APBB2: variants seen among roughly 807,000 people sequenced by gnomAD.
The protein encoded by APBB2 is Fe65-like 1.
Under a neutral mutation model 82.5 loss-of-function variants are expected in APBB2, and 38 were observed. The observed-to-expected ratio is 0.46, with a 90% CI of 0.36 to 0.60. APBB2 has a LOEUF of 0.60. Ranked by LOEUF, APBB2 falls within the 20% of genes least tolerant of loss-of-function variation. APBB2 has a pLI of 0.00. For synonymous variants in APBB2, 341 were observed against 368.2 expected (o/e 0.93, Z 0.85); for missense variants, 772 against 972.3 (o/e 0.79, Z 2.74).
chr4:41,025,511 T>C (rs1279911597), intron 5 of APBB2, among the ~76,000 whole-genome samples: 1 of 152,056 alleles, frequency 6.6e-6, no homozygotes, highest in African/African-American at 2.4e-5. Flanking sequence ...ACTGGGTATA[T>C]ACTCAGAGGA....
intron 5 of APBB2, among the ~76,000 whole-genome samples, chr4:41,028,190 C>T (rs909584292): frequency 2.0e-5 from 3 of 152,228 alleles, no homozygotes; most frequent in African/African-American, 7.2e-5. Flanking sequence ...CTTCTAAGTG[C>T]TGAGGATATA....
At chr4:41,046,425 CA>C (rs774071978) in intron 4 of APBB2, among the ~76,000 whole-genome samples, 2 of 152,210 alleles carry the variant, frequency 1.3e-5, no homozygotes, top group Admixed American at 6.5e-5. Flanking sequence ...CAAGGTATCT[CA>C]AATATACAAC....
At chr4:41,104,359 A>T (rs1746433680) in intron 2 of APBB2, among the ~76,000 whole-genome samples, 1 of 152,188 alleles carries the variant, frequency 6.6e-6, no homozygotes, top group Non-Finnish European at 1.5e-5. Flanking sequence ...TTAAGAACTG[A>T]AGGCTGAGGA....
chr4:40,971,702 A>G (rs552405324), intron 6 of APBB2, among the ~76,000 whole-genome samples: 1 of 152,344 alleles, frequency 6.6e-6, no homozygotes, highest in Admixed American at 6.5e-5. Context: ...GTACTAGAAA[A>G]TGTTTCAAAA....
chr4:40,945,095 CG>C, intron 6 of APBB2, 22 bp from the exon 7 acceptor site: 11 of 547,898 alleles, frequency 2.0e-5, no homozygotes, highest in Non-Finnish European at 2.7e-5. Context: ...GGGGGCGGGG[CG>C]GGGGGAGAAA....
intron 2 of APBB2, among the ~76,000 whole-genome samples, chr4:41,136,024 C>G (rs1430118796): frequency 6.6e-6 from 1 of 152,202 alleles, no homozygotes; most frequent in Non-Finnish European, 1.5e-5. Context: ...CTAGGTTGAT[C>G]TGATTTTGCT....
At chr4:40,937,872 T>A (rs1424938356) in intron 7 of APBB2, among the ~76,000 whole-genome samples, 1 of 152,262 alleles carries the variant, frequency 6.6e-6, no homozygotes, top group Non-Finnish European at 1.5e-5. Flanking sequence ...ATTTGGCTAA[T>A]AAGTTTTGCT....
At chr4:41,193,028 G>A (rs982695809) in intron 1 of APBB2, among the ~76,000 whole-genome samples, 1 of 152,182 alleles carries the variant, frequency 6.6e-6, no homozygotes, top group African/African-American at 2.4e-5. Context: ...GACAATGAAC[G>A]TGTTCACAGT....
rs544175995 is a variant in APBB2, at chr4:40,911,556, T to C, written c.1255-18145A>G. ...ATGTCCAACTCCAGGTGTCTTACAC[T>C]GTAGGCCACAGGGCCAGTTCTTCCT... On this transcript the variant is annotated intron_variant, in intron 10 of 17. Transcript: ENST00000508593. Among the ~76,000 whole-genome samples, 3 of 152,318 alleles carry C rather than the reference T, an allele frequency of 2.0e-5. No homozygotes were observed. The South Asian group carries it at 6.2e-4, about 32-fold the overall frequency.
intron 1 of APBB2, among the ~76,000 whole-genome samples, chr4:41,172,316 A>G (rs1398052688): frequency 7.2e-6 from 1 of 139,500 alleles, no homozygotes; most frequent in South Asian, 2.2e-4. Context: ...CTGTCTTCCC[A>G]CCCCCATCCG....
chr4:40,924,220 CCAGGACTTGATAT>C (rs1782051544), intron 10 of APBB2, among the ~76,000 whole-genome samples: 1 of 152,172 alleles, frequency 6.6e-6, no homozygotes, highest in Non-Finnish European at 1.5e-5. Context: ...TCTCATTCAG[CCAGGACTTGATAT>C]ATCCATCACT....
intron 6 of APBB2, among the ~76,000 whole-genome samples, chr4:41,004,374 T>C (rs1211653721): frequency 6.6e-6 from 1 of 152,194 alleles, no homozygotes; most frequent in African/African-American, 2.4e-5. Flanking sequence ...TGAGGTATGA[T>C]GGGCAAAATG....
chr4:40,945,635 T>C (rs1788167145), intron 6 of APBB2, among the ~76,000 whole-genome samples: 1 of 152,118 alleles, frequency 6.6e-6, no homozygotes. Flanking sequence ...TTTTTCAAGA[T>C]GGAGTCTTGC....
intron 10 of APBB2, among the ~76,000 whole-genome samples, chr4:40,927,782 G>GC (rs1228085825): frequency 6.6e-6 from 1 of 152,268 alleles, no homozygotes; most frequent in East Asian, 1.9e-4. Context: ...ACCGCGCCCA[G>GC]CCCCTCTTCT....
intron 1 of APBB2, among the ~76,000 whole-genome samples, chr4:41,159,810 T>C (rs1357098927): frequency 1.6e-5 from 2 of 125,380 alleles, no homozygotes; most frequent in East Asian, 2.2e-4. Flanking sequence ...GGAAAATAAA[T>C]AGAAGCATCC....
chr4:41,163,768 G>A (rs1182803553), intron 1 of APBB2, among the ~76,000 whole-genome samples: 1 of 152,168 alleles, frequency 6.6e-6, no homozygotes, highest in Non-Finnish European at 1.5e-5. Context: ...GGGCATGTGA[G>A]TCTGAGGCAA....
At chr4:40,927,541 G>GC (rs1782926561) in intron 10 of APBB2, among the ~76,000 whole-genome samples, 1 of 152,130 alleles carries the variant, frequency 6.6e-6, no homozygotes, top group Non-Finnish European at 1.5e-5. Flanking sequence ...AAGTGCAGTG[G>GC]CCGATCATGG....
chr4:40,991,250 CAAG>C (rs1270992349), intron 6 of APBB2, among the ~76,000 whole-genome samples: 1 of 141,756 alleles, frequency 7.1e-6, no homozygotes, highest in African/African-American at 2.6e-5. Flanking sequence ...CTCCTGGGCT[CAAG>C]AAATCTGCCT....
At chr4:41,057,715 G>GT in intron 4 of APBB2, among the ~76,000 whole-genome samples, 1 of 152,312 alleles carries the variant, frequency 6.6e-6, no homozygotes, top group East Asian at 1.9e-4. Context: ...AAATGAGCAA[G>GT]TGTCCAAGAA....
Sources: allele counts gnomAD v4.1 joint callset (sites outside exome capture counted in the v4.1 genomes callset), GRCh38; gene constraint gnomAD v4.1.1; transcripts MANE v1.5; gene names NCBI Gene and HGNC (gene_info 2026-07-23, HGNC 2026-07-21).